The following CHST8 variants were observed in gnomAD, a reference collection of about 807,000 sequenced individuals.
The protein encoded by CHST8 is carbohydrate sulfotransferase 8.
A neutral mutation model predicts 15.0 loss-of-function variants in CHST8; 10 were observed. The ratio of observed to expected loss-of-function variants is 0.67; its 90% CI spans 0.41 to 1.13. The LOEUF is 1.13. Ranked by LOEUF, CHST8 falls within the 50% of genes most tolerant of loss-of-function variation. The pLI is 0.00. For missense variants in CHST8, 634 were observed against 608.2 expected (o/e 1.04, Z -0.45); for synonymous variants, 259 against 256.6 (o/e 1.01, Z -0.09).
intron 3 of CHST8, among the ~76,000 whole-genome samples, chr19:33,705,173 T>A (rs1292994832): frequency 1.3e-5 from 2 of 151,904 alleles, no homozygotes; most frequent in African/African-American, 2.4e-5. Flanking sequence ...AGGAGGTGGG[T>A]CTCCTGGTGG....
chr19:33,700,801 A>G (rs936303266), intron 3 of CHST8, among the ~76,000 whole-genome samples: 2 of 152,222 alleles, frequency 1.3e-5, no homozygotes, highest in Non-Finnish European at 2.9e-5. Flanking sequence ...TGCACCCAGC[A>G]GGGACACACC....
At chr19:33,718,412 C>G (rs974428975) in intron 3 of CHST8, among the ~76,000 whole-genome samples, 10 of 152,060 alleles carry the variant, frequency 6.6e-5, no homozygotes, top group African/African-American at 2.4e-4. Flanking sequence ...CCACATTTCA[C>G]CCCTGCCATC....
intron 3 of CHST8, among the ~76,000 whole-genome samples, chr19:33,756,165 G>A (rs899868547): frequency 2.6e-5 from 4 of 152,208 alleles, no homozygotes; most frequent in African/African-American, 7.2e-5. Context: ...ATTGAATAAC[G>A]TGAATACTGT....
At chr19:33,667,881 A>G (rs1467781018) in intron 2 of CHST8, 38 bp downstream of exon 2, 1 of 152,230 alleles carries the variant, frequency 6.6e-6, no homozygotes, top group Non-Finnish European at 1.5e-5. Context: ...AGCTGAGGGA[A>G]TATTAGATGA....
intron 4 of CHST8, 127 bp downstream of exon 4, chr19:33,771,577 A>G (rs1278131249): frequency 4.1e-6 from 4 of 977,860 alleles, no homozygotes; most frequent in Non-Finnish European, 6.3e-6. Context: ...AGCCTTTCCC[A>G]GGAGCCTTGG....
At chr19:33,728,138 T>A (rs1400569110) in intron 3 of CHST8, among the ~76,000 whole-genome samples, 1 of 152,244 alleles carries the variant, frequency 6.6e-6, no homozygotes, top group East Asian at 1.9e-4. Flanking sequence ...AGTTTTTAAA[T>A]CCCTCACCCC....
intron 3 of CHST8, among the ~76,000 whole-genome samples, chr19:33,727,920 G>T (rs1487892192): frequency 6.6e-6 from 1 of 152,214 alleles, no homozygotes; most frequent in Non-Finnish European, 1.5e-5. Flanking sequence ...GCCTTCTGTG[G>T]GTGGGTGCTC....
intron 3 of CHST8, among the ~76,000 whole-genome samples, chr19:33,767,202 T>A (rs1472212257): frequency 6.6e-6 from 1 of 152,206 alleles, no homozygotes; most frequent in Non-Finnish European, 1.5e-5. Flanking sequence ...TTGGGTCCTG[T>A]CCTCACCTGT....
chr19:33,678,020 C>A (rs549777664), intron 2 of CHST8, among the ~76,000 whole-genome samples: 18 of 152,218 alleles, frequency 1.2e-4, no homozygotes, highest in African/African-American at 4.3e-4. Flanking sequence ...CAGAGCCGCA[C>A]CGAGGGACTG....
chr19:33,622,418 G>C (rs892808926), intron 1 of CHST8, 122 bp downstream of exon 1: 1 of 152,112 alleles, frequency 6.6e-6, no homozygotes, highest in Non-Finnish European at 1.5e-5. Flanking sequence ...CCCCGCCACC[G>C]CACGCGAATG....
At chr19:33,733,761 C>T (rs1309750486) in intron 3 of CHST8, among the ~76,000 whole-genome samples, 1 of 152,198 alleles carries the variant, frequency 6.6e-6, no homozygotes, top group African/African-American at 2.4e-5. Flanking sequence ...TCCTTCAGCT[C>T]CGAAAGAACA....
intron 3 of CHST8, among the ~76,000 whole-genome samples, chr19:33,765,561 G>GTGTGTC (rs1280901510): frequency 0.016 from 2,224 of 137,484 alleles, 16 homozygotes; most frequent in South Asian, 0.031. Flanking sequence ...GTGTCAGAGA[G>GTGTGTC]AGAGAGAGAG....
At chr19:33,740,013 G>A (rs1568350086) in intron 3 of CHST8, among the ~76,000 whole-genome samples, 1 of 152,144 alleles carries the variant, frequency 6.6e-6, no homozygotes, top group Non-Finnish European at 1.5e-5. Flanking sequence ...TTCCTGGTGA[G>A]TCTTTCCATA....
intron 3 of CHST8, among the ~76,000 whole-genome samples, chr19:33,697,266 G>A (rs1336590099): frequency 6.6e-6 from 1 of 152,044 alleles, no homozygotes; most frequent in Non-Finnish European, 1.5e-5. Context: ...GTCTCACTCT[G>A]TCACCCAGGC....
intron 1 of CHST8, among the ~76,000 whole-genome samples, chr19:33,662,333 C>T (rs1381118712): frequency 6.6e-6 from 1 of 152,186 alleles, no homozygotes; most frequent in Non-Finnish European, 1.5e-5. Context: ...CAGTCTCAGC[C>T]TCCCAAAGTG....
At chr19:33,757,383 A>AAAAGAAGAAAG (rs1974568267) in intron 3 of CHST8, among the ~76,000 whole-genome samples, 2 of 108,866 alleles carry the variant, frequency 1.8e-5, no homozygotes. Context: ...CGGTCTCAAA[A>AAAAGAAGAAAG]AAAGAAGAAA....
At chr19:33,758,535 C>T (rs571905301) in intron 3 of CHST8, among the ~76,000 whole-genome samples, 239 of 152,364 alleles carry the variant, frequency 1.6e-3, no homozygotes, top group Non-Finnish European at 2.6e-3. Flanking sequence ...ATCACAGCAA[C>T]AGCTGTGACA....
intron 3 of CHST8, among the ~76,000 whole-genome samples, chr19:33,722,617 C>T (rs1389764636): frequency 6.6e-6 from 1 of 152,154 alleles, no homozygotes; most frequent in Non-Finnish European, 1.5e-5. Context: ...GCACCCCTTC[C>T]CCCTCTTCCC....
intron 3 of CHST8, among the ~76,000 whole-genome samples, chr19:33,768,203 T>C (rs1974890382): frequency 6.6e-6 from 1 of 152,194 alleles, no homozygotes; most frequent in Non-Finnish European, 1.5e-5. Context: ...AGCAGTTTTC[T>C]TCCTAGTGGG....
Sources: allele counts gnomAD v4.1 joint callset (sites outside exome capture counted in the v4.1 genomes callset), GRCh38; gene constraint gnomAD v4.1.1; transcripts MANE v1.5; gene names NCBI Gene and HGNC (gene_info 2026-07-23, HGNC 2026-07-21).